SV2B: variants seen among roughly 807,000 people sequenced by gnomAD.
SV2B encodes the protein synaptic vesicle glycoprotein 2B.
Under a neutral mutation model 73.9 loss-of-function variants are expected in SV2B, and 41 were observed. The ratio of observed to expected loss-of-function variants is 0.56; its 90% CI spans 0.43 to 0.72. The LOEUF (loss-of-function observed/expected upper bound fraction) is 0.72. SV2B is among the 30% of genes least tolerant of loss of function. The probability of loss-of-function intolerance (pLI) is 0.00; values close to 1 mark genes in which losing one functional copy is unlikely to be tolerated. For synonymous variants in SV2B, 314 were observed against 314.2 expected (o/e 1.00, Z 0.01); for missense variants, 764 against 857.8 (o/e 0.89, Z 1.37).
At chr15:91,206,973 G>A (rs1056883350) in intron 1 of SV2B, among the ~76,000 whole-genome samples, 1 of 151,960 alleles carries the variant, frequency 6.6e-6, no homozygotes, top group African/African-American at 2.4e-5. Flanking sequence ...GAGTGAGAAG[G>A]GAGAGTTTTG....
intron 9 of SV2B, among the ~76,000 whole-genome samples, chr15:91,279,113 A>T (rs2048600219): frequency 6.6e-6 from 1 of 152,236 alleles, no homozygotes; most frequent in Admixed American, 6.5e-5. Context: ...CTCTTCCTTC[A>T]GGGTGAGTCA....
chr15:91,279,384 A>G (rs999633510), intron 9 of SV2B, among the ~76,000 whole-genome samples: 1 of 152,242 alleles, frequency 6.6e-6, no homozygotes, highest in Admixed American at 6.5e-5. Context: ...CAATTTTGTC[A>G]TGGACCTTGG....
At chr15:91,172,307 A>G (rs1023763647) in intron 1 of SV2B, among the ~76,000 whole-genome samples, 1 of 152,136 alleles carries the variant, frequency 6.6e-6, no homozygotes, top group African/African-American at 2.4e-5. Flanking sequence ...CTGCCAGGAA[A>G]GCCCTCCTCA....
chr15:91,258,638 C>T lies in SV2B; in HGVS notation c.918+84C>T. The T allele has an allele frequency of 6.3e-7, 1 of 1,581,946 alleles. No homozygotes were observed. The highest frequency in any genetic ancestry group is 8.6e-7 in the Non-Finnish European group (1 of 1,162,108). On this transcript the variant is annotated intron_variant, in intron 5 of 12. Coordinates refer to ENST00000394232, the MANE Select transcript of SV2B (RefSeq NM_001323032.3). The surrounding 1 kb of genome is among the most constrained non-coding windows in gnomAD (Gnocchi z 4.7). ...TCGCTTCCTTCTCTCAGCTCCTAGT[C>T]CCACATCCTCTGCTGCTTATGTGTT...
chr15:91,255,119 G>T lies in SV2B; in HGVS notation c.784+2599G>T, dbSNP rs562834073. On this transcript the variant is annotated intron_variant, in intron 4 of 12. Transcript: ENST00000394232. ...CAGGAGGATGTTGTGAGGGAAGCTG[G>T]CAACCCACCTCTTTTTTTCACTTCA... 4.6e-5 allele frequency among the ~76,000 whole-genome samples: 7 copies of T among 152,284 alleles called. No homozygotes were observed. In the South Asian group the frequency reaches 1.5e-3, roughly 32 times the overall value.
At chr15:91,161,664 G>A (rs1236123710) in intron 1 of SV2B, among the ~76,000 whole-genome samples, 1 of 152,170 alleles carries the variant, frequency 6.6e-6, no homozygotes. Flanking sequence ...GGCATAGGAA[G>A]GTTAATTAAC....
intron 1 of SV2B, among the ~76,000 whole-genome samples, chr15:91,191,335 C>A (rs138517739): frequency 0.026 from 3,917 of 152,188 alleles, 80 homozygotes; most frequent in Non-Finnish European, 0.038. Flanking sequence ...CTTTGGCCTG[C>A]TGAGCCCAGT....
intron 9 of SV2B, among the ~76,000 whole-genome samples, chr15:91,269,341 C>A (rs1005928866): frequency 1.3e-5 from 2 of 152,188 alleles, no homozygotes; most frequent in Non-Finnish European, 2.9e-5. Context: ...CTAAACTGAG[C>A]ATTTACCCCT....
At chr15:91,264,054 C>T (rs1405902965) in intron 6 of SV2B, among the ~76,000 whole-genome samples, 1 of 152,270 alleles carries the variant, frequency 6.6e-6, no homozygotes, top group Non-Finnish European at 1.5e-5. Context: ...CCTTCCCACC[C>T]TGTTCTGCCT....
chr15:91,190,268 G>A (rs2044957180), intron 1 of SV2B, among the ~76,000 whole-genome samples: 1 of 151,732 alleles, frequency 6.6e-6, no homozygotes, highest in Admixed American at 6.6e-5. Context: ...CTATATGAAT[G>A]ATCTATGTAA....
intron 1 of SV2B, among the ~76,000 whole-genome samples, chr15:91,125,647 C>T (rs1403474397): frequency 4.6e-5 from 7 of 151,618 alleles, no homozygotes; most frequent in South Asian, 2.1e-4. Flanking sequence ...TGGTGGTGCA[C>T]GCCTGTAGTC....
Position 91,283,120 on chromosome 15 carries a change from G to C in SV2B, c.1508-901G>C, listed in dbSNP as rs964681257. On this transcript the variant is annotated intron_variant, in intron 10 of 12. Coordinates refer to ENST00000394232, the MANE Select transcript of SV2B (RefSeq NM_001323032.3). This position sits in a 1 kb window ranked among gnomAD's most constrained non-coding sequence, Gnocchi z 4.3. ...TCAGGGAGGTTAAAGAGGGTCAGCA[G>C]CAGGGCCAGCTCCCCAAACGCAGGT... 4.6e-5 allele frequency among the ~76,000 whole-genome samples: 7 copies of C among 152,204 alleles called. No individual in the cohort carries two copies. Among genetic ancestry groups the C allele is most frequent in the African/African-American group, 1.7e-4 (7 of 41,440 alleles).
chr15:91,251,565 C>T (rs1347686724), intron 2 of SV2B, among the ~76,000 whole-genome samples: 1 of 152,190 alleles, frequency 6.6e-6, no homozygotes, highest in Non-Finnish European at 1.5e-5. Context: ...AATGACTGGT[C>T]TTACAGCCAT....
At chr15:91,207,207 G>T (rs1271337236) in intron 1 of SV2B, among the ~76,000 whole-genome samples, 7 of 131,514 alleles carry the variant, frequency 5.3e-5, no homozygotes, top group African/African-American at 2.2e-4. Flanking sequence ...TTTTTTTTGA[G>T]AGACGGGGTC....
Position 91,297,076 on chromosome 15 carries a change from G to A in SV2B, c.*4524G>A, listed in dbSNP as rs1464464999. Reference sequence around the variant, plus strand: ...CACGCTCCTTCTGCCTGATCGTTGGGCGCACGCTCCTTCTGCCTGATCGTT... The same window carrying A: ...CACGCTCCTTCTGCCTGATCGTTGGACGCACGCTCCTTCTGCCTGATCGTT... On this transcript the variant is annotated 3_prime_UTR_variant, in exon 13 of 13. Transcript: ENST00000394232. This position sits in a 1 kb window ranked among gnomAD's most constrained non-coding sequence, Gnocchi z 5.1. 2.6e-5 allele frequency: 4 copies of A among 154,600 alleles called. No homozygotes were observed. Among genetic ancestry groups the A allele is most frequent in the Admixed American group, 6.6e-5 (1 of 15,176 alleles). 9.6% of individuals were successfully genotyped at this position (154,600 alleles called of 1,614,324 possible).
In SV2B at chr15:91,136,174, A is replaced by G. The variant is rs933507947; in HGVS notation, c.-392+35811A>G. ...ATCTGGGAATCCCAGATTAAATGCCACTGGTCTCTGATATGCCAAAGAGGG... is the reference window on the plus strand; with the variant it reads ...ATCTGGGAATCCCAGATTAAATGCCGCTGGTCTCTGATATGCCAAAGAGGG... On this transcript the variant is annotated intron_variant, in intron 1 of 12. Transcript: ENST00000394232. The surrounding 1 kb of genome is among the most constrained non-coding windows in gnomAD (Gnocchi z 5.6). Among the ~76,000 whole-genome samples the G allele has an allele frequency of 1.3e-5, 2 of 152,248 alleles. No homozygotes were observed. The highest frequency in any genetic ancestry group is 6.5e-5 in the Admixed American group (1 of 15,288).
Position 91,299,945 on chromosome 15 carries a change from C to T in SV2B, c.*7393C>T, listed in dbSNP as rs929272676. 1 of 152,124 alleles carries T rather than the reference C, an allele frequency of 6.6e-6. No individual in the cohort carries two copies. The highest frequency in any genetic ancestry group is 6.5e-5 in the Admixed American group (1 of 15,280). 9.4% of individuals were successfully genotyped at this position (152,124 alleles called of 1,614,324 possible). On this transcript the variant is annotated 3_prime_UTR_variant, in exon 13 of 13. Coordinates refer to ENST00000394232, the MANE Select transcript of SV2B (RefSeq NM_001323032.3). ...CAAATGTGAGCTACTATGCCTGGTC[C>T]CAACTTCTTAAAATTAAATTTTGGG...
intron 1 of SV2B, among the ~76,000 whole-genome samples, chr15:91,156,969 G>A (rs1031688171): frequency 5.3e-5 from 8 of 152,222 alleles, no homozygotes; most frequent in African/African-American, 1.9e-4. Context: ...AAACAGATGT[G>A]TAGGCGCAAG....
chr15:91,270,802 C>T (rs2048268982), intron 9 of SV2B, among the ~76,000 whole-genome samples: 2 of 133,628 alleles, frequency 1.5e-5, no homozygotes, highest in African/African-American at 5.6e-5. Flanking sequence ...ATGGTGAATC[C>T]TGTGGATGAT....
Sources: gnomAD v4.1 joint callset for allele counts (sites outside exome capture counted in the v4.1 genomes callset) on GRCh38, gnomAD v4.1.1 for gene constraint, Gnocchi (gnomAD v3.1) non-coding constraint, MANE v1.5 for transcripts, NCBI Gene and HGNC (gene_info 2026-07-23, HGNC 2026-07-21) for gene names.